TOB1: variants seen among roughly 807,000 people sequenced by gnomAD.
TOB1 encodes transducer of ERBB2, 1, also known as protein Tob1.
Under a neutral mutation model 22.9 loss-of-function variants are expected in TOB1, and 2 were observed. The ratio of observed to expected loss-of-function variants is 0.09; its 90% CI spans 0.04 to 0.28. TOB1 has a LOEUF of 0.28. Among genes scored for constraint, TOB1 ranks in the 10% least tolerant of loss-of-function variants. The pLI, the probability that TOB1 is intolerant of heterozygous loss-of-function variation, is 1.00. For synonymous variants in TOB1, 154 were observed against 150.6 expected (o/e 1.02, Z -0.17); for missense variants, 299 against 420.5 (o/e 0.71, Z 2.53).
chr17:50,863,607 C>G lies in TOB1; in HGVS notation c.411G>C (p.Gln137His), dbSNP rs1972252144. 1.9e-6 allele frequency: 3 copies of G among 1,614,104 alleles called. No homozygotes were observed. Among genetic ancestry groups the G allele is most frequent in the East Asian group, 4.5e-5 (2 of 44,890 alleles). Reference protein sequence around the residue: ...EIKNSFNPEAQVFMPISDPAS... With the variant: ...EIKNSFNPEAHVFMPISDPAS... Reference sequence around the variant, plus strand: ...CTGGGTCACTTATGGGCATAAAAACCTGGGCCTCTGGGTTAAAGCTGTTTT... The same window carrying G: ...CTGGGTCACTTATGGGCATAAAAACGTGGGCCTCTGGGTTAAAGCTGTTTT... The change falls in exon 2 of 2, where the codon CAG (glutamine) becomes CAC (histidine). Residue 137 changes from glutamine (Q) to histidine (H), a missense_variant. Coordinates refer to ENST00000499247, the MANE Select transcript of TOB1 (RefSeq NM_005749.4).
chr17:50,862,844 GTTTT>G lies in TOB1; in HGVS notation c.*132_*135del. 4.0e-6 allele frequency: 5 copies of G among 1,248,156 alleles called. No homozygotes were observed. Among genetic ancestry groups the G allele is most frequent in the Non-Finnish European group, 5.3e-6 (5 of 946,872 alleles). 77.3% of individuals were successfully genotyped at this position (1,248,156 alleles called of 1,614,324 possible). Reference sequence around the variant, plus strand: ...GGTTGGCAAATGAAAAATGATGCATGTTTTATTATTATTTTTTTAACCAAGCTTG... The same window carrying G: ...GGTTGGCAAATGAAAAATGATGCATGATTATTATTTTTTTAACCAAGCTTG... On this transcript the variant is annotated 3_prime_UTR_variant, in exon 2 of 2. Coordinates refer to ENST00000499247, the MANE Select transcript of TOB1 (RefSeq NM_005749.4).
chr17:50,862,990 A>G lies in TOB1; in HGVS notation c.1028T>C (p.Met343Thr). The G allele has an allele frequency of 2.5e-6, 4 of 1,609,672 alleles. No individual in the cohort carries two copies. The highest frequency in any genetic ancestry group is 1.7e-5 in the Admixed American group (1 of 59,338). The change falls in exon 2 of 2, where the codon ATG becomes ACG. Residue 343 changes from methionine to threonine, a missense_variant. Physicochemically the swap from Met to Thr is moderately conservative, Grantham distance 81 (BLOSUM62 -1). Transcript: ENST00000499247. ...QYSNQQFQPV[M>T]AN ...TACATTTTCTTTTTTTTAGTTAGCC[A>G]TAACAGGCTGGAATTGCTGGTTAGA...
rs71149322 is a variant in TOB1, at chr17:50,864,056, CAAAAAAAAA to C, written c.-48_-40del. ...CAAAATTAGGTTTCAACTCCCCCAC[CAAAAAAAAA>C]AAAAAAAAAAAAAGATGTTCAGTTT... On this transcript the variant is annotated 5_prime_UTR_variant, in exon 2 of 2. Transcript: ENST00000499247. The C allele has an allele frequency of 7.7e-5, 80 of 1,041,996 alleles. No homozygotes were observed. Among genetic ancestry groups the C allele is most frequent in the South Asian group, 6.7e-4 (22 of 32,776 alleles). The allele number at this position is 1,041,996 out of a possible 1,614,324, so 64.5% of individuals were successfully genotyped here.
chr17:50,862,715 A>T lies in TOB1; in HGVS notation c.*265T>A, dbSNP rs952085672. 7.0e-5 allele frequency: 22 copies of T among 315,130 alleles called. No homozygotes were observed. Among genetic ancestry groups the T allele is most frequent in the East Asian group, 3.9e-4 (7 of 17,730 alleles). The allele number at this position is 315,130 out of a possible 1,614,324, so 19.5% of individuals were successfully genotyped here. ...CCCACTTATTAGTGCCAATTTTTAT[A>T]AAAAAAAATCAGCCATGTCCTTGCT... is the stretch of plus-strand genomic sequence containing the variant. On this transcript the variant is annotated 3_prime_UTR_variant, in exon 2 of 2. Coordinates refer to ENST00000499247, the MANE Select transcript of TOB1 (RefSeq NM_005749.4).
chr17:50,866,914 C>T (rs1253879369), upstream of TOB1: 1 of 152,426 alleles, frequency 6.6e-6, no homozygotes, highest in Non-Finnish European at 1.5e-5. Flanking sequence ...CCAGCCCACC[C>T]CAGGGGCGGG....
At position 50,863,658 on chromosome 17, in the gene TOB1, A is replaced by C; in HGVS notation, c.360T>G (p.Asn120Lys). ...TGATCTCCTTATCCAACTCACATCC[A>C]TTTTCATTATTATCATCCACGTAAA... is the stretch of plus-strand genomic sequence containing the variant. ...KVLYVDDNNENGCELDKEIKN... is the reference protein window; with the variant it reads ...KVLYVDDNNEKGCELDKEIKN... Residue 120 changes from asparagine to lysine, a missense_variant, in exon 2 of 2, where the codon AAT becomes AAG. Transcript: ENST00000499247. The C allele has an allele frequency of 6.2e-7, 1 of 1,614,028 alleles. No individual in the cohort carries two copies. Among genetic ancestry groups the C allele is most frequent in the South Asian group, 1.1e-5 (1 of 91,084 alleles).
chr17:50,863,595 G>A lies in TOB1; in HGVS notation c.423C>T (p.Pro141=), dbSNP rs142180537. 6.2e-7 allele frequency: 1 copy of A among 1,614,022 alleles called. No individual in the cohort carries two copies. Among genetic ancestry groups the A allele is most frequent in the African/African-American group, 1.3e-5 (1 of 74,892 alleles). Residue 141 remains proline (P), a synonymous_variant, in exon 2 of 2, where the codon CCC becomes CCT. Coordinates refer to ENST00000499247, the MANE Select transcript of TOB1 (RefSeq NM_005749.4). The part of the protein sequence containing the change: ...SFNPEAQVFM[P]ISDPASSVSS... Reference sequence around the variant, plus strand: ...ACACTGATGAGGCTGGGTCACTTATGGGCATAAAAACCTGGGCCTCTGGGT... The same window carrying A: ...ACACTGATGAGGCTGGGTCACTTATAGGCATAAAAACCTGGGCCTCTGGGT...
At chr17:50,866,381 T>G (rs2143350075), upstream of TOB1, 1 of 151,928 alleles carries the variant, frequency 6.6e-6, no homozygotes, top group South Asian at 2.1e-4. Flanking sequence ...CGCCTCTCGT[T>G]TTATGGCCTC....
In TOB1 at chr17:50,863,486, T is replaced by A; in HGVS notation, c.532A>T (p.Thr178Ser). The A allele has an allele frequency of 6.2e-7, 1 of 1,614,110 alleles. No homozygotes were observed. Among genetic ancestry groups the A allele is most frequent in the Non-Finnish European group, 8.5e-7 (1 of 1,180,030 alleles). Residue 178 changes from threonine (T) to serine (S), a missense_variant, in exon 2 of 2, where the codon ACC (threonine) becomes TCC (serine). Transcript: ENST00000499247. Reference protein sequence around the residue: ...MPRSTQPLTFTTATFAATKFG... With the variant: ...MPRSTQPLTFSTATFAATKFG... ...TTGGTGGCAGCAAAAGTGGCAGTGG[T>A]AAAGGTTAAAGGCTGAGTGGACCGG...
chr17:50,863,354 T>G lies in TOB1; in HGVS notation c.664A>C (p.Ile222Leu). 6.2e-7 allele frequency: 1 copy of G among 1,614,160 alleles called. No individual in the cohort carries two copies. Among genetic ancestry groups the G allele is most frequent in the South Asian group, 1.1e-5 (1 of 91,082 alleles). ...NVNDLLKQKA[I>L]SSSMHSLYGL... Reference sequence around the variant, plus strand: ...TACAGAGAGTGCATTGAGGAAGAGATGGCTTTCTGCTTCAAGAGGTCATTC... The same window carrying G: ...TACAGAGAGTGCATTGAGGAAGAGAGGGCTTTCTGCTTCAAGAGGTCATTC... The change falls in exon 2 of 2, where the codon ATC becomes CTC. Residue 222 changes from isoleucine (I) to leucine (L), a missense_variant. Transcript: ENST00000499247.
chr17:50,862,887 T>C lies in TOB1; in HGVS notation c.*93A>G. ...TAACCAAGCTTGAATGTATCCTTAC[T>C]ATAAGCTTAAAAAAAAAAATTCTCA... is the stretch of plus-strand genomic sequence containing the variant. On this transcript the variant is annotated 3_prime_UTR_variant, in exon 2 of 2. Coordinates refer to ENST00000499247, the MANE Select transcript of TOB1 (RefSeq NM_005749.4). The C allele has an allele frequency of 2.7e-6, 4 of 1,456,934 alleles. No individual in the cohort carries two copies. Among genetic ancestry groups the C allele is most frequent in the Non-Finnish European group, 2.7e-6 (3 of 1,101,512 alleles). The allele number at this position is 1,456,934 out of a possible 1,614,324, so 90.3% of individuals were successfully genotyped here.
rs78420930 is a variant in TOB1, at chr17:50,865,525, C to A, written c.-147+533G>T. The stretch of plus-strand genomic sequence containing the variant: ...AGGAGGAAGAGAGTACGAGCCTCCT[C>A]GGAGAAGGAGGAGGAAGGCCCGGGA... On this transcript the variant is annotated intron_variant, in intron 1 of 1. Coordinates refer to ENST00000499247, the MANE Select transcript of TOB1 (RefSeq NM_005749.4). Among the ~76,000 whole-genome samples the A allele has an allele frequency of 2.2e-3, 335 of 152,214 alleles. 9 individuals are homozygous for A. The East Asian group carries it at 0.052, about 24-fold the overall frequency.
At position 50,862,757 on chromosome 17, in the gene TOB1, A is replaced by G; in HGVS notation, c.*223T>C. The G allele has an allele frequency of 1.8e-6, 1 of 544,716 alleles. No individual in the cohort carries two copies. The highest frequency in any genetic ancestry group is 2.9e-6 in the Non-Finnish European group (1 of 348,226). The allele number at this position is 544,716 out of a possible 1,614,324, so 33.7% of individuals were successfully genotyped here. ...GTCCTTGCTATATCTTAAATACTGT[A>G]AGAGGCCATATCTGAGAGTATACTT... is the stretch of plus-strand genomic sequence containing the variant. On this transcript the variant is annotated 3_prime_UTR_variant, in exon 2 of 2. Coordinates refer to ENST00000499247, the MANE Select transcript of TOB1 (RefSeq NM_005749.4).
chr17:50,866,523 G>A (rs1972312957), upstream of TOB1, among the ~76,000 whole-genome samples: 1 of 152,086 alleles, frequency 6.6e-6, no homozygotes, highest in East Asian at 1.9e-4. Context: ...CCCCTGCCCT[G>A]CCCCCCGACG....
chr17:50,865,790 G>A (rs1385061194), intron 1 of TOB1, among the ~76,000 whole-genome samples: 2 of 151,926 alleles, frequency 1.3e-5, no homozygotes, highest in East Asian at 3.9e-4. Context: ...TCGCTCCTCC[G>A]GGCACCCCAA....
Position 50,862,224 on chromosome 17 carries a change from T to G in TOB1, c.*756A>C, listed in dbSNP as rs553233949. On this transcript the variant is annotated 3_prime_UTR_variant, in exon 2 of 2. Transcript: ENST00000499247. ...ACTTAAAAACAAAGACAATAGGCATTTTTAATTTTAAAGAATTTTAATACA... is the reference window on the plus strand; with the variant it reads ...ACTTAAAAACAAAGACAATAGGCATGTTTAATTTTAAAGAATTTTAATACA... 109 of 151,652 alleles carry G rather than the reference T, an allele frequency of 7.2e-4. No homozygotes were observed. The highest frequency in any genetic ancestry group is 7.5e-4 in the Non-Finnish European group (51 of 68,008). 9.4% of individuals were successfully genotyped at this position (151,652 alleles called of 1,614,324 possible).
At chr17:50,864,206 A>T in intron 1 of TOB1, 43 bp from the exon 2 acceptor site, 1 of 1,181,356 alleles carries the variant, frequency 8.5e-7, no homozygotes, top group Non-Finnish European at 1.1e-6. Context: ...TAAATGTAAT[A>T]TAAGTCCCAT....
Position 50,863,268 on chromosome 17 carries a change from T to TGGCGGC in TOB1, c.744_749dup (p.Pro255_Pro256dup). On this transcript the variant is annotated inframe_insertion, in exon 2 of 2. Coordinates refer to ENST00000499247, the MANE Select transcript of TOB1 (RefSeq NM_005749.4). ...GCTGCTGTGGTGGTGGTGGTGGCGGTGGCGGCTGGGCTGGCTGCTGCTGTT... is the reference window on the plus strand; with the variant it reads ...GCTGCTGTGGTGGTGGTGGTGGCGGTGGCGGCGGCGGCTGGGCTGGCTGCTGCTGTT... 2 of 1,613,366 alleles carry TGGCGGC rather than the reference T, an allele frequency of 1.2e-6. No homozygotes were observed. The highest frequency in any genetic ancestry group is 1.7e-6 in the Non-Finnish European group (2 of 1,179,652).
At chr17:50,865,227 G>T (rs1972278266) in intron 1 of TOB1, among the ~76,000 whole-genome samples, 3 of 152,188 alleles carry the variant, frequency 2.0e-5, no homozygotes, top group Admixed American at 2.0e-4. Flanking sequence ...GGTGACAAAG[G>T]GAAAAAGAAT....
Sources: gnomAD v4.1 joint callset for allele counts (sites outside exome capture counted in the v4.1 genomes callset) on GRCh38, gnomAD v4.1.1 for gene constraint, MANE v1.5 for transcripts, NCBI Gene and HGNC (gene_info 2026-07-23, HGNC 2026-07-21) for gene names.